The following IQGAP2 variants were observed in gnomAD, a reference collection of about 807,000 sequenced individuals.
The protein encoded by IQGAP2 is IQ motif containing GTPase activating protein 2, also known as ras GTPase-activating-like protein IQGAP2.
IQGAP2 carries 173 observed loss-of-function variants against 201.3 expected under a neutral mutation model. The observed-to-expected ratio is 0.86, with a 90% CI of 0.76 to 0.98. IQGAP2 has a LOEUF of 0.98. Ranked by LOEUF, IQGAP2 falls within the 50% of genes least tolerant of loss-of-function variation. The pLI is 0.00. For synonymous variants in IQGAP2, 675 were observed against 673.9 expected (o/e 1.00, Z -0.03); for missense variants, 1,687 against 1,864.8 (o/e 0.90, Z 1.76).
At chr5:76,551,080 C>T (rs1743455647) in intron 2 of IQGAP2, among the ~76,000 whole-genome samples, 1 of 151,326 alleles carries the variant, frequency 6.6e-6, no homozygotes, top group African/African-American at 2.4e-5. Context: ...GGGCTCCTCA[C>T]TTCCCAGACG....
At chr5:76,483,827 T>C (rs1263339885) in intron 2 of IQGAP2, among the ~76,000 whole-genome samples, 9 of 152,094 alleles carry the variant, frequency 5.9e-5, no homozygotes, top group Admixed American at 2.0e-4. Flanking sequence ...CCAAGCAGAA[T>C]TGGGGGGATG....
At chr5:76,440,736 A>G (rs989426240) in intron 1 of IQGAP2, among the ~76,000 whole-genome samples, 23 of 152,282 alleles carry the variant, frequency 1.5e-4, no homozygotes, top group African/African-American at 5.3e-4. Context: ...TAGCCTAGTA[A>G]GTAGTTAAGA....
At chr5:76,488,789 T>G (rs1385134515) in intron 2 of IQGAP2, among the ~76,000 whole-genome samples, 1 of 152,206 alleles carries the variant, frequency 6.6e-6, no homozygotes, top group Non-Finnish European at 1.5e-5. Context: ...ATTAGCCATC[T>G]GTTAGCTTCT....
chr5:76,649,440 C>T (rs1752338454), intron 17 of IQGAP2, among the ~76,000 whole-genome samples: 1 of 152,058 alleles, frequency 6.6e-6, no homozygotes. Flanking sequence ...CTCTCTAAAC[C>T]AAAAGGAAAT....
chr5:76,667,877 CTTTTTTTTTT>C (rs540744402), intron 22 of IQGAP2, among the ~76,000 whole-genome samples: 2,975 of 123,406 alleles, frequency 0.024, 134 homozygotes, highest in African/African-American at 0.084. Context: ...AGTCCACTTT[CTTTTTTTTTT>C]TTTTTTTTTT....
chr5:76,508,004 C>CAA (rs35283673), intron 2 of IQGAP2, among the ~76,000 whole-genome samples: 808 of 62,848 alleles, frequency 0.013, 22 homozygotes, highest in African/African-American at 0.039. Context: ...GACTCCTTCT[C>CAA]AAAAAAAAAA....
chr5:76,619,617 C>T (rs1209669658), intron 13 of IQGAP2, among the ~76,000 whole-genome samples: 11 of 150,984 alleles, frequency 7.3e-5, no homozygotes, highest in East Asian at 2.0e-4. Context: ...CCCGGGTTCA[C>T]GCCATTCTCC....
At chr5:76,436,654 C>T (rs746491998) in intron 1 of IQGAP2, among the ~76,000 whole-genome samples, 4 of 147,918 alleles carry the variant, frequency 2.7e-5, no homozygotes, top group Non-Finnish European at 4.5e-5. Context: ...CCTCAGCCTC[C>T]TGAGTAGCTA....
At position 76,673,595 on chromosome 5, in the gene IQGAP2, T is replaced by C. The variant is rs751927839; in HGVS notation, c.3209+6T>C. On this transcript the variant is annotated splice_donor_region_variant and intron_variant, in intron 25 of 35. Transcript: ENST00000274364. ...TCTTCCCTTGATCTACTGCCGTAAG[T>C]TGTACTTGCAGCAAGTTTAACATTC... The C allele has an allele frequency of 5.6e-6, 9 of 1,613,032 alleles. No individual in the cohort carries two copies. Among genetic ancestry groups the C allele is most frequent in the Middle Eastern group, 1.6e-4 (1 of 6,068 alleles).
Position 76,637,173 on chromosome 5 carries a change from C to T in IQGAP2, c.1920C>T (p.Ile640=), listed in dbSNP as rs140853165. The T allele has an allele frequency of 1.2e-5, 20 of 1,601,954 alleles. No homozygotes were observed. In the African/African-American group the frequency reaches 1.5e-4, roughly 12 times the overall value. The change falls in exon 16 of 36, where the codon ATC becomes ATT. Residue 640 remains isoleucine, a synonymous_variant. Transcript: ENST00000274364. ...AATCATGGCTCACAGGAAAAGAAAT[C>T]GAGGTAGGAGGTTGGTGTTTGATGG... ...YKESWLTGKE[I]EDIIEEVTVG...
Position 76,674,536 on chromosome 5 carries a change from C to T in IQGAP2, c.3354C>T (p.Gly1118=). The T allele has an allele frequency of 6.2e-7, 1 of 1,614,090 alleles. No individual in the cohort carries two copies. Among genetic ancestry groups the T allele is most frequent in the Non-Finnish European group, 8.5e-7 (1 of 1,179,990 alleles). Residue 1118 remains glycine (G), a synonymous_variant, in exon 27 of 36, where the codon GGC becomes GGT. Transcript: ENST00000274364. Reference sequence around the variant, plus strand: ...ATCCAGCCATTGTAGCTCCAGATGGCTTTGATATCATCGACATGACAGCTG... The same window carrying T: ...ATCCAGCCATTGTAGCTCCAGATGGTTTTGATATCATCGACATGACAGCTG... ...YMNPAIVAPD[G]FDIIDMTAGG...
chr5:76,602,723 A>T (rs2150325537), intron 11 of IQGAP2, among the ~76,000 whole-genome samples: 1 of 152,236 alleles, frequency 6.6e-6, no homozygotes, highest in South Asian at 2.1e-4. Flanking sequence ...TTACTTCCAA[A>T]GTCAGCATCT....
At chr5:76,493,592 A>G (rs185079478) in intron 2 of IQGAP2, among the ~76,000 whole-genome samples, 2 of 151,930 alleles carry the variant, frequency 1.3e-5, no homozygotes, top group African/African-American at 2.4e-5. Flanking sequence ...GATCCTCCAC[A>G]CTGCTCCCCC....
intron 10 of IQGAP2, among the ~76,000 whole-genome samples, chr5:76,598,658 C>T (rs563539810): frequency 2.0e-5 from 3 of 152,070 alleles, no homozygotes; most frequent in Non-Finnish European, 2.9e-5. Flanking sequence ...CTTAGTAATA[C>T]AGATCAAAAG....
intron 22 of IQGAP2, among the ~76,000 whole-genome samples, chr5:76,666,266 T>G (rs1271460023): frequency 1.3e-5 from 2 of 152,214 alleles, no homozygotes; most frequent in African/African-American, 2.4e-5. Flanking sequence ...AACCCACTGT[T>G]TCACGCCAGC....
At chr5:76,438,634 A>C (rs1272916984) in intron 1 of IQGAP2, among the ~76,000 whole-genome samples, 4 of 151,844 alleles carry the variant, frequency 2.6e-5, no homozygotes. Context: ...GCAGAGATGG[A>C]CTTTCACCAT....
intron 2 of IQGAP2, among the ~76,000 whole-genome samples, chr5:76,496,752 T>TCTTTCTTTC (rs1561416411): frequency 1.6e-4 from 11 of 67,220 alleles, no homozygotes; most frequent in African/African-American, 6.7e-4. Flanking sequence ...TTTCTTTCTT[T>TCTTTCTTTC]CTTTCTTTCT....
At position 76,487,458 on chromosome 5, in the gene IQGAP2, T is replaced by C. The variant is rs989041681; in HGVS notation, c.146+25789T>C. The stretch of plus-strand genomic sequence containing the variant: ...ATGCGGATCTTACACTTAGGATCAC[T>C]GTAAGAAAAAAGTTTATCTTTATAG... On this transcript the variant is annotated intron_variant, in intron 2 of 35. Transcript: ENST00000274364. Among the ~76,000 whole-genome samples, 16 of 152,332 alleles carry C rather than the reference T, an allele frequency of 1.1e-4. 1 individual carries two copies. The highest frequency in any genetic ancestry group is 1.0e-3 in the Admixed American group (16 of 15,304).
chr5:76,466,738 A>G (rs1169121958), intron 2 of IQGAP2, among the ~76,000 whole-genome samples: 1 of 152,214 alleles, frequency 6.6e-6, no homozygotes, highest in Non-Finnish European at 1.5e-5. Context: ...GAGAGCCACA[A>G]CTGTAAATCT....
Sources: gnomAD v4.1 joint callset for allele counts (sites outside exome capture counted in the v4.1 genomes callset) on GRCh38, gnomAD v4.1.1 for gene constraint, MANE v1.5 for transcripts, NCBI Gene and HGNC (gene_info 2026-07-23, HGNC 2026-07-21) for gene names.